FLI1: variants seen among roughly 807,000 people sequenced by gnomAD.
FLI1 encodes the protein Friend leukemia integration 1 transcription factor.
FLI1 carries 13 observed loss-of-function variants against 53.1 expected under a neutral mutation model. That is an observed-to-expected ratio of 0.24 (90% CI 0.16 to 0.39). The LOEUF (loss-of-function observed/expected upper bound fraction) is 0.39. Among genes scored for constraint, FLI1 ranks in the 10% least tolerant of loss-of-function variants. FLI1 has a pLI of 1.00. For synonymous variants in FLI1, 244 were observed against 236.7 expected, an observed-to-expected ratio of 1.03 and a Z score of -0.28; for missense variants, 424 against 600.5, an observed-to-expected ratio of 0.71 and a Z score of 3.07.
At chr11:128,736,523 T>G (rs957919847) in intron 1 of FLI1, among the ~76,000 whole-genome samples, 2 of 152,242 alleles carry the variant, frequency 1.3e-5, no homozygotes, top group South Asian at 2.1e-4. Flanking sequence ...TGGAAAGATT[T>G]CTTGAGACAT....
intron 1 of FLI1, among the ~76,000 whole-genome samples, chr11:128,755,511 C>A (rs998432175): frequency 6.6e-6 from 1 of 152,180 alleles, no homozygotes; most frequent in Non-Finnish European, 1.5e-5. Context: ...TTCATGGAGT[C>A]AGGGACAGCT....
At chr11:128,700,836 G>A (rs529414891) in intron 1 of FLI1, among the ~76,000 whole-genome samples, 23 of 152,282 alleles carry the variant, frequency 1.5e-4, no homozygotes, top group African/African-American at 5.5e-4. Flanking sequence ...GAGCGCCACT[G>A]TATTCCACCC....
intron 1 of FLI1, among the ~76,000 whole-genome samples, chr11:128,715,628 T>C (rs1212001944): frequency 1.3e-5 from 2 of 152,230 alleles, no homozygotes; most frequent in African/African-American, 4.8e-5. Context: ...AAACAGCATT[T>C]CTACCTTCTT....
Position 128,723,909 on chromosome 11 carries a change from AGAG to A in FLI1, c.18+29642_18+29644del, listed in dbSNP as rs1939358756. Among the ~76,000 whole-genome samples, 3 of 149,004 alleles carry A rather than the reference AGAG, an allele frequency of 2.0e-5. No individual in the cohort carries two copies. The South Asian group carries it at 6.5e-4, about 33-fold the overall frequency. On this transcript the variant is annotated intron_variant, in intron 1 of 8. Coordinates refer to ENST00000527786, the MANE Select transcript of FLI1 (RefSeq NM_002017.5). ...CCAACAGAGTCAGGAACAGATTTAT[AGAG>A]GAGGAGGAACAATGGAGTTGATTTT...
chr11:128,763,626 A>G (rs1941212951), intron 2 of FLI1, among the ~76,000 whole-genome samples: 1 of 152,180 alleles, frequency 6.6e-6, no homozygotes, highest in Non-Finnish European at 1.5e-5. Flanking sequence ...CTAGGGACTC[A>G]CATTCCACAC....
Position 128,790,318 on chromosome 11 carries a change from C to T in FLI1, c.655+8295C>T, listed in dbSNP as rs564716440. On this transcript the variant is annotated intron_variant, in intron 5 of 8. Coordinates refer to ENST00000527786, the MANE Select transcript of FLI1 (RefSeq NM_002017.5). Reference sequence around the variant, plus strand: ...GAGACAGAGAGAGAGAGAGAAAGAACGAGGGTGACAGAGAGAAACAGAGAT... The same window carrying T: ...GAGACAGAGAGAGAGAGAGAAAGAATGAGGGTGACAGAGAGAAACAGAGAT... Among the ~76,000 whole-genome samples, 208 of 142,308 alleles carry T rather than the reference C, an allele frequency of 1.5e-3. 1 individual carries two copies. The highest frequency in any genetic ancestry group is 8.1e-4 in the East Asian group (4 of 4,944). The allele number at this position is 142,308 out of a possible 152,430, so 93.4% of individuals were successfully genotyped here.
chr11:128,779,827 A>G (rs78200634), intron 4 of FLI1, among the ~76,000 whole-genome samples: 1 of 152,258 alleles, frequency 6.6e-6, no homozygotes, highest in Non-Finnish European at 1.5e-5. Context: ...TCATGTGAAT[A>G]CCACAAAATG....
At chr11:128,794,339 C>T (rs1942366221) in intron 5 of FLI1, among the ~76,000 whole-genome samples, 1 of 152,178 alleles carries the variant, frequency 6.6e-6, no homozygotes, top group Non-Finnish European at 1.5e-5. Context: ...GTTGGTTCTG[C>T]CTAGTATACT....
At position 128,773,535 on chromosome 11, in the gene FLI1, G is replaced by A. The variant is rs182951566; in HGVS notation, c.589+550G>A. On this transcript the variant is annotated intron_variant, in intron 4 of 8. Transcript: ENST00000527786. ...GCAGGTGTGTTAGGATCCATTGGAG[G>A]CTTTCTTCTGGTACAGCCAAGAAAA... 2.0e-5 allele frequency among the ~76,000 whole-genome samples: 3 copies of A among 151,444 alleles called. No individual in the cohort carries two copies. The East Asian group carries it at 5.8e-4, about 29-fold the overall frequency.
Position 128,768,143 on chromosome 11 carries a change from A to G in FLI1, c.256A>G (p.Ser86Gly). The G allele has an allele frequency of 6.2e-7, 1 of 1,613,668 alleles. No homozygotes were observed. The highest frequency in any genetic ancestry group is 8.5e-7 in the Non-Finnish European group (1 of 1,179,720). The change falls in exon 3 of 9, where the codon AGC becomes GGC. Residue 86 changes from serine to glycine, a missense_variant. Ser to Gly is a moderately conservative substitution (Grantham distance 56, BLOSUM62 0). Coordinates refer to ENST00000527786, the MANE Select transcript of FLI1 (RefSeq NM_002017.5). ...GGAGTCTCCGGTGGACTGCAGCGTTAGCAAATGCAGCAAGCTGGTGGGCGG... is the reference window on the plus strand; with the variant it reads ...GGAGTCTCCGGTGGACTGCAGCGTTGGCAAATGCAGCAAGCTGGTGGGCGG... ...SRESPVDCSVSKCSKLVGGGE... is the reference protein window; with the variant it reads ...SRESPVDCSVGKCSKLVGGGE...
At chr11:128,799,705 C>T (rs754892628) in intron 5 of FLI1, among the ~76,000 whole-genome samples, 8 of 152,132 alleles carry the variant, frequency 5.3e-5, no homozygotes, top group South Asian at 2.1e-4. Context: ...GCTGAGGGCG[C>T]GGACTCGAGC....
upstream of FLI1, chr11:128,693,751 C>A (rs1006529651): frequency 4.3e-6 from 1 of 233,484 alleles, no homozygotes; most frequent in Non-Finnish European, 8.5e-6. Context: ...TCATTGTTCC[C>A]GGCTAGCTCT....
intron 5 of FLI1, among the ~76,000 whole-genome samples, chr11:128,798,357 G>A (rs2135900569): frequency 6.6e-6 from 1 of 152,232 alleles, no homozygotes; most frequent in South Asian, 2.1e-4. Context: ...CACAGAGCCT[G>A]TGGGAGAAAT....
rs767439309 is a variant in FLI1, at chr11:128,810,439, G to A, written c.830-20G>A. On this transcript the variant is annotated intron_variant, in intron 8 of 8. Coordinates refer to ENST00000527786, the MANE Select transcript of FLI1 (RefSeq NM_002017.5). The surrounding 1 kb of genome is among the most constrained non-coding windows in gnomAD (Gnocchi z 6.6). Reference sequence around the variant, plus strand: ...GGGCTGAGGTGTTCTGTTCTCTCCCGTTTGCCTCACGGCGTGCAGGAAGCG... The same window carrying A: ...GGGCTGAGGTGTTCTGTTCTCTCCCATTTGCCTCACGGCGTGCAGGAAGCG... The A allele has an allele frequency of 3.8e-5, 60 of 1,574,834 alleles. No individual in the cohort carries two copies. The highest frequency in any genetic ancestry group is 2.8e-4 in the East Asian group (12 of 42,848).
chr11:128,777,584 G>A (rs925512864), intron 4 of FLI1, among the ~76,000 whole-genome samples: 1 of 152,212 alleles, frequency 6.6e-6, no homozygotes, highest in Non-Finnish European at 1.5e-5. Flanking sequence ...GGGTTTGACT[G>A]GTGAAGGAGA....
At chr11:128,704,204 G>T (rs1938462035) in intron 1 of FLI1, among the ~76,000 whole-genome samples, 1 of 152,146 alleles carries the variant, frequency 6.6e-6, no homozygotes, top group South Asian at 2.1e-4. Context: ...TGGGGGTGTG[G>T]ATGATAGAAC....
chr11:128,742,023 C>T (rs78005468), intron 1 of FLI1, among the ~76,000 whole-genome samples: 7,895 of 152,228 alleles, frequency 0.052, 664 homozygotes, highest in African/African-American at 0.18. Flanking sequence ...AACATAGCAT[C>T]GTTCCTACCA....
At position 128,810,155 on chromosome 11, in the gene FLI1, T is replaced by G. The variant is rs180985852; in HGVS notation, c.830-304T>G. ...TTGCCAAAGGGATTGAGGGGGGATA[T>G]GGCTCACCCAAGATCACACAGCTAG... On this transcript the variant is annotated intron_variant, in intron 8 of 8. Coordinates refer to ENST00000527786, the MANE Select transcript of FLI1 (RefSeq NM_002017.5). The surrounding 1 kb of genome is among the most constrained non-coding windows in gnomAD (Gnocchi z 6.6). Among the ~76,000 whole-genome samples, 19 of 152,072 alleles carry G rather than the reference T, an allele frequency of 1.2e-4. No individual in the cohort carries two copies. Among genetic ancestry groups the G allele is most frequent in the African/African-American group, 3.9e-4 (16 of 41,510 alleles).
intron 1 of FLI1, among the ~76,000 whole-genome samples, chr11:128,723,046 A>G (rs1939318803): frequency 6.6e-6 from 1 of 152,092 alleles, no homozygotes; most frequent in Non-Finnish European, 1.5e-5. Flanking sequence ...TGCGTGGTAG[A>G]AAGAGGGCAA....
Sources: gnomAD v4.1 joint callset for allele counts (sites outside exome capture counted in the v4.1 genomes callset) on GRCh38, gnomAD v4.1.1 for gene constraint, Gnocchi (gnomAD v3.1) non-coding constraint, MANE v1.5 for transcripts, NCBI Gene and HGNC (gene_info 2026-07-23, HGNC 2026-07-21) for gene names.